KIF23: variants seen among roughly 807,000 people sequenced by gnomAD.
KIF23 encodes the protein kinesin family member 23.
In KIF23, 30 loss-of-function variants were observed where a neutral mutation model predicts 137.5. The observed-to-expected ratio is 0.22, with a 90% confidence interval of 0.16 to 0.30. The LOEUF (loss-of-function observed/expected upper bound fraction) is 0.30, where lower values mean the gene tolerates loss of function less well. Ranked by LOEUF, KIF23 falls within the 10% of genes least tolerant of loss-of-function variation. KIF23 has a pLI of 1.00. For synonymous variants in KIF23, 367 were observed against 391.1 expected (o/e 0.94, Z 0.73); for missense variants, 920 against 1,194.3 (o/e 0.77, Z 3.38).
At position 69,418,890 on chromosome 15, in the gene KIF23, G is replaced by A. The variant is rs551395236; in HGVS notation, c.210+1379G>A. Among the ~76,000 whole-genome samples, 3 of 152,294 alleles carry A rather than the reference G, an allele frequency of 2.0e-5. 1 individual carries two copies. The highest frequency in any genetic ancestry group is 7.2e-5 in the African/African-American group (3 of 41,568). On this transcript the variant is annotated intron_variant, in intron 3 of 23. Transcript: ENST00000679126. ...TCAGCACTTTGGGAGGCCAAGGTGG[G>A]TGGATCACCTGAGGTCAGGAGTTCA...
chr15:69,416,161 A>C lies in KIF23; in HGVS notation c.81+98A>C, dbSNP rs558435692. ...ATGCTTGGAAGGGAAAGAAGAAGAC[A>C]TGTGGAAGTATAATCAAAGAACATT... On this transcript the variant is annotated intron_variant, in intron 2 of 23. Coordinates refer to ENST00000679126, the MANE Select transcript of KIF23 (RefSeq NM_001367805.3). 1.4e-5 allele frequency: 10 copies of C among 699,000 alleles called. No homozygotes were observed. The African/African-American group carries it at 1.9e-4, about 13-fold the overall frequency. The allele number at this position is 699,000 out of a possible 1,614,324, so 43.3% of individuals were successfully genotyped here.
intron 10 of KIF23, among the ~76,000 whole-genome samples, 184 bp from the exon 11 acceptor site, chr15:69,428,927 A>T (rs1158981323): frequency 4.6e-5 from 7 of 152,174 alleles, no homozygotes; most frequent in Non-Finnish European, 8.8e-5. Context: ...CATTAATGTC[A>T]TGAGTATATT....
chr15:69,414,436 G>C lies in KIF23; in HGVS notation c.-30G>C, dbSNP rs750977396. On this transcript the variant is annotated 5_prime_UTR_variant, in exon 1 of 24. It removes an upstream start codon present in the reference 5' UTR. Coordinates refer to ENST00000679126, the MANE Select transcript of KIF23 (RefSeq NM_001367805.3). The stretch of plus-strand genomic sequence containing the variant: ...TCTTCGCCAGCCAGCCGTCCCGCAT[G>C]CGCGTTTGGGCGGCGTGGAGCCTGC... The C allele has an allele frequency of 5.1e-6, 8 of 1,581,204 alleles. No individual in the cohort carries two copies. The South Asian group carries it at 9.3e-5, about 18-fold the overall frequency.
chr15:69,429,375 G>T (rs1160613279), intron 11 of KIF23, among the ~76,000 whole-genome samples, 162 bp downstream of exon 11: 1 of 152,156 alleles, frequency 6.6e-6, no homozygotes, highest in Admixed American at 6.5e-5. Flanking sequence ...TGTGATCATG[G>T]CTCATTGCAG....
intron 11 of KIF23, among the ~76,000 whole-genome samples, 165 bp from the exon 12 acceptor site, chr15:69,435,318 G>T (rs1364210067): frequency 2.0e-5 from 3 of 152,106 alleles, no homozygotes; most frequent in South Asian, 2.1e-4. Flanking sequence ...TTGAAAGAGA[G>T]CCTGGACCAT....
rs987198871 is a variant in KIF23, at chr15:69,447,898, A to T, written c.*91A>T. On this transcript the variant is annotated 3_prime_UTR_variant, in exon 24 of 24. Coordinates refer to ENST00000679126, the MANE Select transcript of KIF23 (RefSeq NM_001367805.3). ...GAAGCAGTCTTCCAGGTCATCTTGT[A>T]GAACTCCAGCTTTGTTGAAAATCAC... 3.0e-6 allele frequency: 4 copies of T among 1,352,962 alleles called. No individual in the cohort carries two copies. Among genetic ancestry groups the T allele is most frequent in the Non-Finnish European group, 4.2e-6 (4 of 949,908 alleles). The allele number at this position is 1,352,962 out of a possible 1,614,324, so 83.8% of individuals were successfully genotyped here. A position where few individuals can be genotyped will look rare whatever the true frequency, so the allele number is the denominator to read the frequency against.
chr15:69,417,357 C>T (rs1303508554), intron 2 of KIF23, 26 bp from the exon 3 acceptor site: 3 of 1,522,324 alleles, frequency 2.0e-6, no homozygotes, highest in Admixed American at 4.4e-5. Context: ...GAACTTTCTT[C>T]TTAAAGCACC....
intron 2 of KIF23, among the ~76,000 whole-genome samples, chr15:69,416,782 C>A (rs1438901813): frequency 6.6e-6 from 1 of 152,124 alleles, no homozygotes; most frequent in Non-Finnish European, 1.5e-5. Flanking sequence ...TGGCGAAACC[C>A]TGTCTCTACT....
rs770770904 is a variant in KIF23, at chr15:69,435,652, A to G, written c.1195A>G (p.Met399Val). The stretch of plus-strand genomic sequence containing the variant: ...CATTTGGATATGAATGTCTTTGTAG[A>G]TGGTTCCATATCGAGATTCAAAGTT... ...RENQMYGTNK[M>V]VPYRDSKLTH... The change falls in exon 13 of 24, where the codon ATG becomes GTG. Residue 399 changes from methionine to valine, a missense_variant and splice_region_variant. This residue lies in a region of KIF23 where 714 missense variants were observed against 866.2 expected (regional missense o/e 0.82). Coordinates refer to ENST00000679126, the MANE Select transcript of KIF23 (RefSeq NM_001367805.3). The G allele has an allele frequency of 3.7e-6, 6 of 1,613,486 alleles. No homozygotes were observed. The highest frequency in any genetic ancestry group is 5.1e-6 in the Non-Finnish European group (6 of 1,179,886).
intron 11 of KIF23, chr15:69,435,054 C>T: frequency 1.9e-6 from 1 of 526,630 alleles, no homozygotes. Flanking sequence ...TAGTTCCTCC[C>T]CACACAGACG....
At chr15:69,441,885 T>G (rs1486836843) in intron 19 of KIF23, among the ~76,000 whole-genome samples, 1 of 151,704 alleles carries the variant, frequency 6.6e-6, no homozygotes, top group East Asian at 2.0e-4. Context: ...TCCTCTCACC[T>G]CAGCCTCCCA....
At chr15:69,423,571 C>T (rs2057115691) in intron 7 of KIF23, among the ~76,000 whole-genome samples, 3 of 152,104 alleles carry the variant, frequency 2.0e-5, no homozygotes, top group Non-Finnish European at 2.9e-5. Flanking sequence ...CCCAAATATT[C>T]ATCTTGGAGA....
chr15:69,427,849 G>A (rs745925403), intron 10 of KIF23, among the ~76,000 whole-genome samples: 2 of 152,162 alleles, frequency 1.3e-5, no homozygotes, highest in East Asian at 1.9e-4. Context: ...TTTATTTACC[G>A]ACTAGCTATA....
chr15:69,423,096 G>T lies in KIF23; in HGVS notation c.564-63G>T, dbSNP rs60472416. The stretch of plus-strand genomic sequence containing the variant: ...TTATAGCTGTGAGCCACCATGCCCG[G>T]CTGGGATCATTTACTTTTAAAATGG... On this transcript the variant is annotated intron_variant, in intron 6 of 23. Transcript: ENST00000679126. The T allele has an allele frequency of 0.039, 44,301 of 1,121,654 alleles. 2,436 individuals are homozygous for T. The highest frequency in any genetic ancestry group is 0.19 in the East Asian group (7,539 of 39,918). The allele number at this position is 1,121,654 out of a possible 1,614,324, so 69.5% of individuals were successfully genotyped here.
intron 2 of KIF23, among the ~76,000 whole-genome samples, chr15:69,416,524 AG>A (rs1229799988): frequency 6.6e-6 from 1 of 152,218 alleles, no homozygotes; most frequent in Non-Finnish European, 1.5e-5. Flanking sequence ...GCAAACAAAA[AG>A]GGTTCTTTGC....
At chr15:69,431,681 A>T (rs1351090876) in intron 11 of KIF23, among the ~76,000 whole-genome samples, 1 of 152,118 alleles carries the variant, frequency 6.6e-6, no homozygotes, top group Non-Finnish European at 1.5e-5. Flanking sequence ...AATGGAGAGG[A>T]ACAAGCTGAG....
At chr15:69,430,573 A>G (rs1222497605) in intron 11 of KIF23, among the ~76,000 whole-genome samples, 1 of 152,212 alleles carries the variant, frequency 6.6e-6, no homozygotes, top group African/African-American at 2.4e-5. Flanking sequence ...AGTGAGCTGT[A>G]TGAAGCAGGA....
At chr15:69,434,450 T>G in intron 11 of KIF23, 1 of 481,524 alleles carries the variant, frequency 2.1e-6, no homozygotes, top group Non-Finnish European at 3.9e-6. Flanking sequence ...CCCTGAAACT[T>G]GTTAAGAGAT....
intron 19 of KIF23, among the ~76,000 whole-genome samples, chr15:69,443,326 G>GTTTTTTTTT (rs10538305): frequency 1.7e-5 from 1 of 58,586 alleles, no homozygotes. Context: ...TGTTTTTTGG[G>GTTTTTTTTT]TTTTTTTTTT....
Sources: gnomAD v4.1 joint callset for allele counts (sites outside exome capture counted in the v4.1 genomes callset) on GRCh38, gnomAD v4.1.1 for gene constraint, gnomAD v4.1.1 regional missense constraint, MANE v1.5 for transcripts, NCBI Gene and HGNC (gene_info 2026-07-23, HGNC 2026-07-21) for gene names.